The following ADAM23 variants were observed in gnomAD, a reference collection of about 807,000 sequenced individuals.
ADAM23 encodes the protein ADAM metallopeptidase domain 23.
A neutral mutation model predicts 120.1 loss-of-function variants in ADAM23; 33 were observed. The ratio of observed to expected loss-of-function variants is 0.27; its 90% confidence interval spans 0.21 to 0.37. The LOEUF (loss-of-function observed/expected upper bound fraction) is 0.37. ADAM23 is among the 10% of genes least tolerant of loss of function. The pLI is 1.00. For missense variants in ADAM23, 862 were observed against 1,058.2 expected (o/e 0.81, Z 2.57); for synonymous variants, 367 against 375.2 (o/e 0.98, Z 0.25).
chr2:206,450,424 G>A (rs560653180), intron 2 of ADAM23, among the ~76,000 whole-genome samples: 2 of 152,276 alleles, frequency 1.3e-5, no homozygotes, highest in African/African-American at 2.4e-5. Flanking sequence ...TTGGCATGTA[G>A]TAGGCCTTCT....
chr2:206,470,212 TGAGGAA>T (rs1695625660), intron 2 of ADAM23, among the ~76,000 whole-genome samples: 3 of 152,124 alleles, frequency 2.0e-5, no homozygotes, highest in Non-Finnish European at 4.4e-5. Context: ...ATATATAATC[TGAGGAA>T]ATAGATATAT....
chr2:206,592,761 C>T (rs894064174), intron 22 of ADAM23, 25 bp downstream of exon 22: 4 of 1,599,736 alleles, frequency 2.5e-6, no homozygotes, highest in Admixed American at 1.8e-5. Context: ...ATTAGAAGAC[C>T]TAATAAGCCA....
intron 3 of ADAM23, among the ~76,000 whole-genome samples, chr2:206,482,883 GAT>G (rs1216507662): frequency 6.6e-6 from 1 of 152,194 alleles, no homozygotes; most frequent in African/African-American, 2.4e-5. Flanking sequence ...AGGCATGTGA[GAT>G]AGTATATCTG....
intron 2 of ADAM23, among the ~76,000 whole-genome samples, chr2:206,461,218 C>T (rs1695412007): frequency 6.6e-6 from 1 of 151,870 alleles, no homozygotes; most frequent in African/African-American, 2.4e-5. Context: ...CCCACCACCA[C>T]ACCTGGCTAA....
intron 6 of ADAM23, among the ~76,000 whole-genome samples, chr2:206,546,786 T>A (rs1697407407): frequency 6.6e-6 from 1 of 152,184 alleles, no homozygotes; most frequent in Non-Finnish European, 1.5e-5. Flanking sequence ...TTGTCAGGAC[T>A]AAATTAAATA....
chr2:206,516,060 G>GAAGAGTA (rs1413314821), intron 3 of ADAM23, among the ~76,000 whole-genome samples: 1 of 151,828 alleles, frequency 6.6e-6, no homozygotes, highest in African/African-American at 2.4e-5. Flanking sequence ...CCAGTTTAAA[G>GAAGAGTA]AAGAGTAATA....
intron 2 of ADAM23, among the ~76,000 whole-genome samples, chr2:206,452,061 G>A (rs946312157): frequency 6.6e-6 from 1 of 152,208 alleles, no homozygotes; most frequent in Non-Finnish European, 1.5e-5. Context: ...AGAATCAGAA[G>A]ATTGGGCTTA....
At chr2:206,447,953 C>G (rs1347304503) in intron 2 of ADAM23, among the ~76,000 whole-genome samples, 1 of 152,172 alleles carries the variant, frequency 6.6e-6, no homozygotes, top group Admixed American at 6.5e-5. Context: ...GTTGATCAAT[C>G]TTTATTACTT....
In ADAM23 at chr2:206,444,040, C is replaced by T. The variant is rs1355683227; in HGVS notation, c.174C>T (p.Ala58=). The change falls in exon 1 of 26, where the codon GCC becomes GCT. Residue 58 remains alanine (A), a synonymous_variant. Coordinates refer to ENST00000264377, the MANE Select transcript of ADAM23 (RefSeq NM_003812.4). ...TTCTCCTGCTGCCTCCGCTCGCCGC[C>T]TCGTCCCGGCCCCGCGCCTGGGGGG... The part of the protein sequence containing the change: ...LVLLLLPPLA[A]SSRPRAWGAA... The T allele has an allele frequency of 1.4e-6, 2 of 1,408,620 alleles. No homozygotes were observed. Among genetic ancestry groups the T allele is most frequent in the Non-Finnish European group, 1.9e-6 (2 of 1,078,086 alleles). 87.3% of individuals were successfully genotyped at this position (1,408,620 alleles called of 1,614,324 possible). A position where few individuals can be genotyped will look rare whatever the true frequency, so the allele number is the denominator to read the frequency against.
intron 19 of ADAM23, 86 bp from the exon 20 acceptor site, chr2:206,588,005 A>G (rs1047796778): frequency 1.4e-6 from 2 of 1,412,122 alleles, no homozygotes; most frequent in African/African-American, 2.8e-5. Context: ...ACTTTATCCA[A>G]GTGAACCAGA....
Position 206,478,586 on chromosome 2 carries a change from C to T in ADAM23, c.433-2646C>T, listed in dbSNP as rs552151133. 1.2e-4 allele frequency among the ~76,000 whole-genome samples: 19 copies of T among 152,026 alleles called. No individual in the cohort carries two copies. The South Asian group carries it at 2.9e-3, about 23-fold the overall frequency. On this transcript the variant is annotated intron_variant, in intron 2 of 25. Transcript: ENST00000264377. Reference sequence around the variant, plus strand: ...TGCTGAGTGAGTTTGAGGGAGTGGCCATTTAGGAGAAGGCTCATTGTCTTG... The same window carrying T: ...TGCTGAGTGAGTTTGAGGGAGTGGCTATTTAGGAGAAGGCTCATTGTCTTG...
chr2:206,483,411 CAG>C (rs1695938699), intron 3 of ADAM23, among the ~76,000 whole-genome samples: 1 of 152,024 alleles, frequency 6.6e-6, no homozygotes, highest in Non-Finnish European at 1.5e-5. Flanking sequence ...GATATAACCT[CAG>C]GGGAGAGATG....
intron 18 of ADAM23, among the ~76,000 whole-genome samples, chr2:206,574,425 G>A (rs1196980236): frequency 6.7e-6 from 1 of 149,162 alleles, no homozygotes; most frequent in East Asian, 1.9e-4. Flanking sequence ...TTGGCAGGAG[G>A]GGCCTAAATC....
chr2:206,573,229 A>G, intron 18 of ADAM23, 34 bp downstream of exon 18: 13 of 1,590,054 alleles, frequency 8.2e-6, no homozygotes, highest in Non-Finnish European at 1.1e-5. Context: ...AATACATTTT[A>G]CTTGTACAGG....
At chr2:206,607,972 C>T (rs765348910) in intron 24 of ADAM23, 14 of 450,146 alleles carry the variant, frequency 3.1e-5, no homozygotes, top group Middle Eastern at 3.3e-4. Context: ...TTTTCTGAAG[C>T]GGACGAAGTG....
At chr2:206,528,697 C>T (rs1696989628) in intron 3 of ADAM23, among the ~76,000 whole-genome samples, 1 of 152,132 alleles carries the variant, frequency 6.6e-6, no homozygotes, top group Admixed American at 6.5e-5. Flanking sequence ...GAAGTAGTGT[C>T]ACGGTTTCCT....
chr2:206,477,110 C>T (rs1318970101), intron 2 of ADAM23, among the ~76,000 whole-genome samples: 2 of 151,976 alleles, frequency 1.3e-5, no homozygotes, highest in African/African-American at 4.8e-5. Flanking sequence ...TTTAATGTAC[C>T]CTACACAGAG....
chr2:206,594,727 C>T lies in ADAM23; in HGVS notation c.2079-10C>T, dbSNP rs1237229302. On this transcript the variant is annotated splice_polypyrimidine_tract_variant and intron_variant, in intron 22 of 25. Coordinates refer to ENST00000264377, the MANE Select transcript of ADAM23 (RefSeq NM_003812.4). ...TGCAAATAGTTATATGGGTATCTTTCTTGTTTTAGTGGTGCCCATGTAGTT... is the reference window on the plus strand; with the variant it reads ...TGCAAATAGTTATATGGGTATCTTTTTTGTTTTAGTGGTGCCCATGTAGTT... 2 of 1,613,880 alleles carry T rather than the reference C, an allele frequency of 1.2e-6. No individual in the cohort carries two copies. Among genetic ancestry groups the T allele is most frequent in the Admixed American group, 3.3e-5 (2 of 59,996 alleles).
intron 4 of ADAM23, among the ~76,000 whole-genome samples, chr2:206,537,685 G>A (rs757246869): frequency 1.3e-5 from 2 of 151,582 alleles, no homozygotes; most frequent in African/African-American, 2.4e-5. Context: ...TTAAAAATTC[G>A]TGTTTGTATT....
Sources: gnomAD v4.1 joint callset for allele counts (sites outside exome capture counted in the v4.1 genomes callset) on GRCh38, gnomAD v4.1.1 for gene constraint, MANE v1.5 for transcripts, NCBI Gene and HGNC (gene_info 2026-07-23, HGNC 2026-07-21) for gene names.